GCN1: variants seen among roughly 807,000 people sequenced by gnomAD.
GCN1 encodes stalled ribosome sensor GCN1.
In GCN1, 90 loss-of-function variants were observed where a neutral mutation model predicts 288.4. The ratio of observed to expected loss-of-function variants is 0.31; its 90% CI spans 0.26 to 0.37. GCN1 has a LOEUF of 0.37. Among genes scored for constraint, GCN1 ranks in the 10% least tolerant of loss-of-function variants. The pLI, the probability that GCN1 is intolerant of heterozygous loss-of-function variation, is 1.00. For missense variants in GCN1, 2,586 were observed against 3,419.9 expected (o/e 0.76, Z 6.08); for synonymous variants, 1,386 against 1,420.2 (o/e 0.98, Z 0.54).
rs149431403 is a variant in GCN1 at position 120,144,487 on chromosome 12, C to T, written c.5353-39G>A. The T allele has an allele frequency of 1.2e-4, 199 of 1,594,944 alleles. 1 individual carries two copies. The African/African-American group carries it at 2.2e-3, about 18-fold the overall frequency. On this transcript the variant is annotated intron_variant, in intron 41 of 57. Coordinates refer to ENST00000300648, the MANE Select transcript of GCN1 (RefSeq NM_006836.2). This position sits in a 1 kb window ranked among gnomAD's most constrained non-coding sequence, Gnocchi z 4.7. The stretch of plus-strand genomic sequence containing the variant: ...GGGTGGGTCAGCCAGAGCTGCCACC[C>T]CCAGGCCCCCAGCCCAAAAAACATG...
chr12:120,131,261 G>A lies in GCN1; in HGVS notation c.7487C>T (p.Ala2496Val), dbSNP rs929417383. 2.5e-6 allele frequency: 4 copies of A among 1,614,038 alleles called. No individual in the cohort carries two copies. Among genetic ancestry groups the A allele is most frequent in the Non-Finnish European group, 3.4e-6 (4 of 1,179,940 alleles). The change falls in exon 55 of 58, where the codon GCT (alanine) becomes GTT (valine). Residue 2496 changes from alanine (A) to valine (V), a missense_variant. Ala to Val is a moderately conservative substitution (Grantham distance 64). Coordinates refer to ENST00000300648, the MANE Select transcript of GCN1 (RefSeq NM_006836.2). ...SLALSVAVNV[A>V]PGRLCAGRYS... is the part of the protein sequence containing the mutation. ...TCTGCCGGCACAAAGTCTGCCAGGA[G>A]CCACATTCACAGCCACGGAAAGTGC...
intron 5 of GCN1, among the ~76,000 whole-genome samples, chr12:120,182,379 C>A (rs764882782): frequency 6.6e-6 from 1 of 152,144 alleles, no homozygotes; most frequent in East Asian, 1.9e-4. Context: ...CCCAGAGGTG[C>A]GCTGGATAAG....
chr12:120,167,210 G>A (rs1878159702), intron 16 of GCN1, among the ~76,000 whole-genome samples: 1 of 151,396 alleles, frequency 6.6e-6, no homozygotes, highest in African/African-American at 2.4e-5. Context: ...AAATTAGCCT[G>A]GTGGTAGTGG....
At chr12:120,191,307 A>G (rs1878996650) in intron 1 of GCN1, among the ~76,000 whole-genome samples, 1 of 152,256 alleles carries the variant, frequency 6.6e-6, no homozygotes, top group Non-Finnish European at 1.5e-5. Context: ...TTAGCTTTCA[A>G]CAGCCATCGA....
At chr12:120,162,092 C>T (rs1270422598) in intron 20 of GCN1, 34 bp from the exon 21 acceptor site, 1 of 1,593,818 alleles carries the variant, frequency 6.3e-7, no homozygotes, top group Non-Finnish European at 8.6e-7. Context: ...TCAGTGTGTG[C>T]CAAGGCTGGC....
Position 120,155,368 on chromosome 12 carries a change from A to ACGT in GCN1, c.3500_3502dup (p.Asp1167dup). On this transcript the variant is annotated inframe_insertion, in exon 30 of 58. Transcript: ENST00000300648. The surrounding 1 kb of genome is among the most constrained non-coding windows in gnomAD (Gnocchi z 4.9). ...CCTTACAGCCGCCTCATGATAGATC[A>ACGT]CGTCGTCAATCAGCAAGGAGCAGAG... 7 of 1,614,146 alleles carry ACGT rather than the reference A, an allele frequency of 4.3e-6. No homozygotes were observed. Among genetic ancestry groups the ACGT allele is most frequent in the Non-Finnish European group, 5.9e-6 (7 of 1,180,026 alleles).
Position 120,137,631 on chromosome 12 carries a change from G to C in GCN1, c.6577C>G (p.Leu2193Val). 1 of 1,614,174 alleles carries C rather than the reference G, an allele frequency of 6.2e-7. No individual in the cohort carries two copies. The highest frequency in any genetic ancestry group is 8.5e-7 in the Non-Finnish European group (1 of 1,179,986). Reference protein sequence around the residue: ...KADYTSHLRSLVSGLIRLFND... With the variant: ...KADYTSHLRSVVSGLIRLFND... The stretch of plus-strand genomic sequence containing the variant: ...AAGAGGCGGATCAGGCCCGAGACCA[G>C]GCTCCGCAGGTGGCTGGTGTAGTCA... The change falls in exon 49 of 58, where the codon CTG (leucine) becomes GTG (valine). Residue 2193 changes from leucine (L) to valine (V), a missense_variant. Leu to Val is a conservative substitution (Grantham distance 32, BLOSUM62 1). Transcript: ENST00000300648. The surrounding 1 kb of genome is among the most constrained non-coding windows in gnomAD (Gnocchi z 5.2).
At chr12:120,192,734 A>G (rs1286699135) in intron 1 of GCN1, among the ~76,000 whole-genome samples, 1 of 91,708 alleles carries the variant, frequency 1.1e-5, no homozygotes, top group African/African-American at 5.5e-5. Context: ...TCCGTCTCGA[A>G]AAAAAAAAAA....
At position 120,170,150 on chromosome 12, in the gene GCN1, G is replaced by GAC. The variant is rs1395595038; in HGVS notation, c.1519+17_1519+18dup. 1.9e-6 allele frequency: 3 copies of GAC among 1,611,456 alleles called. No homozygotes were observed. The highest frequency in any genetic ancestry group is 2.5e-6 in the Non-Finnish European group (3 of 1,177,640). ...AGAGGCCCCTGTCTCTACCATCCTA[G>GAC]ACACCTCTGGACTCATACCAGCCTG... is the stretch of plus-strand genomic sequence containing the variant. On this transcript the variant is annotated intron_variant, in intron 15 of 57. Transcript: ENST00000300648.
intron 1 of GCN1, among the ~76,000 whole-genome samples, chr12:120,192,121 A>G (rs1024686630): frequency 1.3e-5 from 2 of 152,140 alleles, no homozygotes; most frequent in African/African-American, 4.8e-5. Flanking sequence ...ACCTCACTTC[A>G]GTTTGACTTG....
intron 22 of GCN1, among the ~76,000 whole-genome samples, chr12:120,161,099 C>G (rs1323320727): frequency 6.6e-6 from 1 of 152,190 alleles, no homozygotes; most frequent in Non-Finnish European, 1.5e-5. Context: ...CTGCCCAAAG[C>G]TGAATTCAGC....
intron 10 of GCN1, 32 bp downstream of exon 10, chr12:120,176,111 C>A: frequency 6.6e-7 from 1 of 1,515,346 alleles, no homozygotes; most frequent in Non-Finnish European, 9.2e-7. Context: ...CAAGGTGACA[C>A]TTATGGGCTG....
intron 42 of GCN1, among the ~76,000 whole-genome samples, chr12:120,143,880 A>G (rs2139094163): frequency 6.6e-6 from 1 of 152,370 alleles, no homozygotes; most frequent in Admixed American, 6.5e-5. Flanking sequence ...CAAAATGGTT[A>G]AAAGCAAGGG....
Position 120,183,575 on chromosome 12 carries a change from G to A in GCN1, c.420C>T (p.Asn140=). The change falls in exon 5 of 58, where the codon AAC becomes AAT. Residue 140 remains asparagine (N), a synonymous_variant. Transcript: ENST00000300648. The stretch of plus-strand genomic sequence containing the variant: ...AGAGACACAGGGAACCTACCAGTTT[G>A]TTCCAGATGTCTCCTTGTCGCTTGG... The part of the protein sequence containing the change: ...SRAKRQGDIW[N]KLVEVQCLLL... 1 of 1,596,070 alleles carries A rather than the reference G, an allele frequency of 6.3e-7. No homozygotes were observed. Among genetic ancestry groups the A allele is most frequent in the South Asian group, 1.1e-5 (1 of 90,776 alleles).
At chr12:120,182,603 G>T (rs1353525442) in intron 5 of GCN1, among the ~76,000 whole-genome samples, 6 of 152,252 alleles carry the variant, frequency 3.9e-5, no homozygotes, top group Non-Finnish European at 7.4e-5. Context: ...TGAGGAAATG[G>T]GCTCAGAAGT....
At chr12:120,186,120 G>A (rs1448233686) in intron 2 of GCN1, among the ~76,000 whole-genome samples, 1 of 151,958 alleles carries the variant, frequency 6.6e-6, no homozygotes, top group Admixed American at 6.6e-5. Flanking sequence ...GATAACTTGA[G>A]GTCAGGTCAG....
intron 11 of GCN1, among the ~76,000 whole-genome samples, chr12:120,175,485 T>C (rs1208595380): frequency 6.6e-6 from 1 of 152,270 alleles, no homozygotes; most frequent in Non-Finnish European, 1.5e-5. Flanking sequence ...ATTTCTTTTC[T>C]GGTGTATTTC....
chr12:120,186,682 G>A (rs1407347237), intron 2 of GCN1, among the ~76,000 whole-genome samples: 1 of 152,212 alleles, frequency 6.6e-6, no homozygotes, highest in Non-Finnish European at 1.5e-5. Flanking sequence ...TGGGGAAAAA[G>A]AATGACTGGG....
intron 5 of GCN1, among the ~76,000 whole-genome samples, chr12:120,180,716 C>T (rs900441979): frequency 3.3e-5 from 5 of 151,470 alleles, no homozygotes; most frequent in East Asian, 3.9e-4. Context: ...TGGCCGGGCG[C>T]GGTGGCTCAC....
Sources: gnomAD v4.1 joint callset for allele counts (sites outside exome capture counted in the v4.1 genomes callset) on GRCh38, gnomAD v4.1.1 for gene constraint, Gnocchi (gnomAD v3.1) non-coding constraint, MANE v1.5 for transcripts, NCBI Gene and HGNC (gene_info 2026-07-23, HGNC 2026-07-21) for gene names.